BABAM2: variants seen among roughly 807,000 people sequenced by gnomAD.
The protein encoded by BABAM2 is BRISC and BRCA1 A complex member 2.
In BABAM2, 31 loss-of-function variants were observed where a neutral mutation model predicts 54.7. The observed-to-expected ratio is 0.57, with a 90% CI of 0.43 to 0.77. The LOEUF (loss-of-function observed/expected upper bound fraction) is 0.77, where lower values mean the gene tolerates loss of function less well. Ranked by LOEUF, BABAM2 falls within the 30% of genes least tolerant of loss-of-function variation. The pLI, the probability that BABAM2 is intolerant of heterozygous loss-of-function variation, is 0.00. For missense variants in BABAM2, 364 were observed against 455.8 expected (o/e 0.80, Z 1.83); for synonymous variants, 167 against 162.9 (o/e 1.03, Z -0.19).
intron 7 of BABAM2, among the ~76,000 whole-genome samples, chr2:28,159,035 G>T (rs1672808257): frequency 6.6e-6 from 1 of 152,134 alleles, no homozygotes; most frequent in African/African-American, 2.4e-5. Context: ...CACTTAAATG[G>T]CTAAAGGATA....
At chr2:27,890,185 T>G, upstream of BABAM2, 1 of 1,450,238 alleles carries the variant, frequency 6.9e-7, no homozygotes, top group Admixed American at 1.7e-5. This position sits in a 1 kb window ranked among gnomAD's most constrained non-coding sequence, Gnocchi z 4.8. Flanking sequence ...GCCCAAAAGC[T>G]CCACTGGGCG....
At chr2:28,262,058 C>T (rs1684589065) in intron 10 of BABAM2, among the ~76,000 whole-genome samples, 1 of 152,160 alleles carries the variant, frequency 6.6e-6, no homozygotes, top group Admixed American at 6.5e-5. Flanking sequence ...AGTGAAGCGT[C>T]ACCCAACACA....
In BABAM2 at chr2:28,163,421, T is replaced by G. The variant is rs138568009; in HGVS notation, c.680+34041T>G. 3.4e-3 allele frequency among the ~76,000 whole-genome samples: 516 copies of G among 152,328 alleles called. 4 individuals carry two copies. The highest frequency in any genetic ancestry group is 5.6e-3 in the Non-Finnish European group (382 of 68,018). The stretch of plus-strand genomic sequence containing the variant: ...GACTTTAGAGACCCAGAGAGCTTTA[T>G]GCCTAAGGGGAGAAAAAGAACATTT... On this transcript the variant is annotated intron_variant, in intron 7 of 11. Transcript: ENST00000379624.
intron 6 of BABAM2, among the ~76,000 whole-genome samples, chr2:28,065,117 G>A (rs897408850): frequency 4.6e-5 from 7 of 151,894 alleles, no homozygotes; most frequent in South Asian, 2.1e-4. Context: ...AAATCAAGGC[G>A]GTTTAACTTT....
chr2:28,011,595 A>G (rs1288229956), intron 4 of BABAM2, among the ~76,000 whole-genome samples: 1 of 152,206 alleles, frequency 6.6e-6, no homozygotes, highest in African/African-American at 2.4e-5. Flanking sequence ...AAACAGTTAC[A>G]TAATATAAAT....
intron 3 of BABAM2, among the ~76,000 whole-genome samples, chr2:27,984,932 A>T (rs918561513): frequency 2.0e-5 from 3 of 152,090 alleles, no homozygotes; most frequent in African/African-American, 7.2e-5. Flanking sequence ...CTTATGTGTG[A>T]GAGCATACAA....
intron 4 of BABAM2, among the ~76,000 whole-genome samples, chr2:27,994,983 ATC>A (rs1673039232): frequency 6.6e-6 from 1 of 152,182 alleles, no homozygotes; most frequent in Non-Finnish European, 1.5e-5. Context: ...GGTAAAGGAG[ATC>A]TCTAAAGAAT....
intron 11 of BABAM2, among the ~76,000 whole-genome samples, chr2:28,302,740 C>T (rs2148253916): frequency 6.6e-6 from 1 of 152,198 alleles, no homozygotes; most frequent in East Asian, 1.9e-4. Flanking sequence ...CTCACCAACA[C>T]ATCCTATTGT....
At chr2:28,334,531 C>T (rs987534858) in intron 11 of BABAM2, among the ~76,000 whole-genome samples, 40 of 152,356 alleles carry the variant, frequency 2.6e-4, no homozygotes, top group Non-Finnish European at 4.7e-4. Flanking sequence ...AACATTCAGC[C>T]CTCCCTGAAA....
chr2:28,282,924 G>A (rs1383908105), intron 10 of BABAM2, among the ~76,000 whole-genome samples: 1 of 148,078 alleles, frequency 6.8e-6, no homozygotes, highest in Non-Finnish European at 1.5e-5. Flanking sequence ...ACTGAACCCA[G>A]GAGGCAGAGG....
intron 7 of BABAM2, among the ~76,000 whole-genome samples, chr2:28,236,513 A>C (rs1332698577): frequency 6.6e-6 from 1 of 151,776 alleles, no homozygotes; most frequent in Non-Finnish European, 1.5e-5. Flanking sequence ...ACAGGTGCCC[A>C]CCACCACACA....
At position 28,293,584 on chromosome 2, in the gene BABAM2, C is replaced by A. The variant is rs139318317; in HGVS notation, c.935-4754C>A. ...CAGTGACTGTCCAGAGTGAGGCAAC[C>A]GGTGCAGAGCTTAATTCTTCCTCCC... On this transcript the variant is annotated intron_variant, in intron 10 of 11. Coordinates refer to ENST00000379624, the MANE Select transcript of BABAM2 (RefSeq NM_199191.3). Among the ~76,000 whole-genome samples, 982 of 152,296 alleles carry A rather than the reference C, an allele frequency of 6.4e-3. 10 individuals carry two copies. Among genetic ancestry groups the A allele is most frequent in the African/African-American group, 0.019 (803 of 41,546 alleles).
At chr2:27,975,089 T>C (rs1418635397) in intron 3 of BABAM2, among the ~76,000 whole-genome samples, 2 of 152,174 alleles carry the variant, frequency 1.3e-5, no homozygotes, top group African/African-American at 4.8e-5. Context: ...AATACAGAGA[T>C]ATATAATATA....
At chr2:28,134,824 T>C (rs890218534) in intron 7 of BABAM2, among the ~76,000 whole-genome samples, 1 of 152,198 alleles carries the variant, frequency 6.6e-6, no homozygotes, top group African/African-American at 2.4e-5. Flanking sequence ...ATGTGGCTCA[T>C]CTCCTTAATT....
intron 10 of BABAM2, among the ~76,000 whole-genome samples, chr2:28,261,301 G>A (rs971800947): frequency 6.7e-5 from 10 of 150,080 alleles, no homozygotes; most frequent in Non-Finnish European, 3.0e-5. Flanking sequence ...TTGATTTTGT[G>A]TATTGACCTT....
chr2:28,139,371 C>T (rs1022071698), intron 7 of BABAM2, among the ~76,000 whole-genome samples: 3 of 145,096 alleles, frequency 2.1e-5, no homozygotes, highest in Admixed American at 6.9e-5. Flanking sequence ...GAGGTGGAGA[C>T]CATCCTGGCC....
chr2:27,892,536 G>A (rs1012534763), intron 1 of BABAM2: 3 of 152,100 alleles, frequency 2.0e-5, no homozygotes, highest in African/African-American at 7.2e-5. Flanking sequence ...TTGTGACATA[G>A]ACATGAAGGT....
At chr2:28,153,670 TGGGAACTTG>T (rs1050005837) in intron 7 of BABAM2, among the ~76,000 whole-genome samples, 10 of 152,200 alleles carry the variant, frequency 6.6e-5, no homozygotes, top group African/African-American at 2.4e-4. Context: ...GCATCAGCCT[TGGGAACTTG>T]TTAACAGTGT....
intron 2 of BABAM2, among the ~76,000 whole-genome samples, chr2:27,925,756 T>G (rs1426912010): frequency 6.6e-6 from 1 of 152,160 alleles, no homozygotes; most frequent in Non-Finnish European, 1.5e-5. Context: ...CTGAGGGGAA[T>G]GGTCTCTGCC....
Sources: gnomAD v4.1 joint callset for allele counts (sites outside exome capture counted in the v4.1 genomes callset) on GRCh38, gnomAD v4.1.1 for gene constraint, Gnocchi (gnomAD v3.1) non-coding constraint, MANE v1.5 for transcripts, NCBI Gene and HGNC (gene_info 2026-07-23, HGNC 2026-07-21) for gene names.